WDR7: variants seen among roughly 807,000 people sequenced by gnomAD.
WDR7 encodes WD repeat-containing protein 7.
A neutral mutation model predicts 169.4 loss-of-function variants in WDR7; 46 were observed. The observed-to-expected ratio is 0.27, with a 90% CI of 0.21 to 0.35. The LOEUF is 0.35. Ranked by LOEUF, WDR7 falls within the 10% of genes least tolerant of loss-of-function variation. WDR7 has a pLI of 1.00. For synonymous variants in WDR7, 612 were observed against 666.8 expected (o/e 0.92, Z 1.27); for missense variants, 1,534 against 1,859.3 (o/e 0.83, Z 3.22).
At chr18:56,746,941 A>G (rs545091606) in intron 14 of WDR7, among the ~76,000 whole-genome samples, 5 of 152,318 alleles carry the variant, frequency 3.3e-5, no homozygotes, top group Admixed American at 2.6e-4. Flanking sequence ...GTTGGGAGTG[A>G]GGGGAGAATT....
At chr18:56,907,409 CG>C (rs1308339062) in intron 21 of WDR7, among the ~76,000 whole-genome samples, 3 of 152,036 alleles carry the variant, frequency 2.0e-5, no homozygotes, top group African/African-American at 7.2e-5. Context: ...GAGGGAATGC[CG>C]GTTTTTGAGA....
At chr18:56,738,742 A>G (rs1414399081) in intron 14 of WDR7, among the ~76,000 whole-genome samples, 5 of 151,732 alleles carry the variant, frequency 3.3e-5, no homozygotes, top group African/African-American at 1.2e-4. Flanking sequence ...GGCATATTAA[A>G]ATATGGACTT....
chr18:56,679,544 AT>A (rs1370389532), intron 3 of WDR7, 106 bp downstream of exon 3: 1 of 648,910 alleles, frequency 1.5e-6, no homozygotes, highest in Non-Finnish European at 2.5e-6. Context: ...TATCTCCTAA[AT>A]AAATGCTTTG....
chr18:57,011,403 A>G (rs1200389587), intron 26 of WDR7, among the ~76,000 whole-genome samples: 1 of 152,260 alleles, frequency 6.6e-6, no homozygotes. Context: ...GAGGCATTAT[A>G]TCTTACAATA....
intron 12 of WDR7, among the ~76,000 whole-genome samples, chr18:56,705,155 A>C (rs1003601728): frequency 6.6e-6 from 1 of 152,140 alleles, no homozygotes; most frequent in African/African-American, 2.4e-5. Context: ...AAATGGCAAA[A>C]ATTGCTAGGA....
In WDR7 at chr18:57,029,077, A is replaced by C. The variant is rs77990314; in HGVS notation, c.*1870A>C. 6.6e-6 allele frequency: 1 copy of C among 152,594 alleles called. No homozygotes were observed. The highest frequency in any genetic ancestry group is 1.5e-5 in the Non-Finnish European group (1 of 68,036). 9.5% of individuals were successfully genotyped at this position (152,594 alleles called of 1,614,324 possible). On this transcript the variant is annotated 3_prime_UTR_variant, in exon 28 of 28. Coordinates refer to ENST00000254442, the MANE Select transcript of WDR7 (RefSeq NM_015285.3). ...TATGAACTTAAATGGAAATTAATTT[A>C]TTGTAGACTACATCTCTATTTGGAA...
At chr18:56,938,450 T>G (rs979043365) in intron 23 of WDR7, 83 bp from the exon 24 acceptor site, 67 of 1,527,996 alleles carry the variant, frequency 4.4e-5, no homozygotes, top group Non-Finnish European at 5.5e-5. Flanking sequence ...TCTATAGTAT[T>G]AGAAAGTAAA....
At chr18:56,667,903 T>C (rs546160192) in intron 1 of WDR7, among the ~76,000 whole-genome samples, 1 of 152,326 alleles carries the variant, frequency 6.6e-6, no homozygotes, top group East Asian at 1.9e-4. Flanking sequence ...CATTTGGTAG[T>C]GAGTACACAG....
chr18:57,023,836 T>A (rs2145947399), intron 27 of WDR7, among the ~76,000 whole-genome samples: 1 of 152,330 alleles, frequency 6.6e-6, no homozygotes, highest in East Asian at 1.9e-4. Flanking sequence ...GAAATGCTGA[T>A]AATAAATTAG....
Position 56,891,358 on chromosome 18 carries a change from A to G in WDR7, c.3526+11193A>G, listed in dbSNP as rs181116500. Among the ~76,000 whole-genome samples the G allele has an allele frequency of 2.4e-3, 359 of 152,168 alleles. 2 individuals are homozygous for G. Among genetic ancestry groups the G allele is most frequent in the African/African-American group, 8.1e-3 (337 of 41,536 alleles). On this transcript the variant is annotated intron_variant, in intron 21 of 27. Coordinates refer to ENST00000254442, the MANE Select transcript of WDR7 (RefSeq NM_015285.3). Reference sequence around the variant, plus strand: ...GTGGCCTTGAATACTTTGTGGCTCGATTTCCTTAACTAAGACACAGGAATA... The same window carrying G: ...GTGGCCTTGAATACTTTGTGGCTCGGTTTCCTTAACTAAGACACAGGAATA...
chr18:57,030,263 T>C (rs867936942), downstream of WDR7: 2 of 152,208 alleles, frequency 1.3e-5, no homozygotes, highest in East Asian at 3.8e-4. Context: ...TAGAGGGTTA[T>C]GTGTAAGTAG....
intron 12 of WDR7, among the ~76,000 whole-genome samples, chr18:56,707,956 G>A (rs150820467): frequency 1.1e-4 from 17 of 151,676 alleles, no homozygotes; most frequent in East Asian, 3.9e-4. Flanking sequence ...CTGTCAACCC[G>A]TTTGTTTCCA....
chr18:56,806,174 A>G (rs1288949002), intron 19 of WDR7, among the ~76,000 whole-genome samples: 2 of 152,184 alleles, frequency 1.3e-5, no homozygotes, highest in Non-Finnish European at 2.9e-5. Flanking sequence ...CATTATGGCT[A>G]TTAGATTCTC....
At chr18:56,799,736 G>T (rs1330131337) in intron 19 of WDR7, among the ~76,000 whole-genome samples, 1 of 152,154 alleles carries the variant, frequency 6.6e-6, no homozygotes, top group Non-Finnish European at 1.5e-5. Flanking sequence ...TTTTTAAAAT[G>T]TGCTGTGAAA....
At chr18:57,034,942 CCCCAGGGTCAGAG>C in the WDR7 span, 1 of 152,102 alleles carries the variant, frequency 6.6e-6, no homozygotes, top group Non-Finnish European at 1.5e-5. Flanking sequence ...AAATCTTCTG[CCCCAGGGTCAGAG>C]CCCTGACAGA....
chr18:56,796,375 A>G lies in WDR7; in HGVS notation c.3190+14719A>G, dbSNP rs1391805564. 2.0e-5 allele frequency among the ~76,000 whole-genome samples: 3 copies of G among 152,194 alleles called. No homozygotes were observed. In the East Asian group the frequency reaches 5.8e-4, roughly 29 times the overall value. On this transcript the variant is annotated intron_variant, in intron 19 of 27. Coordinates refer to ENST00000254442, the MANE Select transcript of WDR7 (RefSeq NM_015285.3). ...ACTTTGGGAAGTTAATCTAGTTAAT[A>G]TTCATTTGAAAATGAAGAACTTAGA...
Position 56,694,979 on chromosome 18 carries a change from C to G in WDR7, c.1138C>G (p.Gln380Glu). The G allele has an allele frequency of 1.2e-6, 2 of 1,614,064 alleles. No homozygotes were observed. Among genetic ancestry groups the G allele is most frequent in the Non-Finnish European group, 1.7e-6 (2 of 1,179,954 alleles). The change falls in exon 11 of 28, where the codon CAA (glutamine) becomes GAA (glutamate). Residue 380 changes from glutamine (Q) to glutamate (E), a missense_variant. By Grantham distance (29) the Gln-to-Glu change is conservative (BLOSUM62 2). Coordinates refer to ENST00000254442, the MANE Select transcript of WDR7 (RefSeq NM_015285.3). ...GGCAATGACAACTTCTATTAGTTTGCAAGAGGCATTTGATAAACTGAATCC... is the reference window on the plus strand; with the variant it reads ...GGCAATGACAACTTCTATTAGTTTGGAAGAGGCATTTGATAAACTGAATCC... The part of the protein sequence containing the change: ...GLAMTTSISL[Q>E]EAFDKLNPCP...
At chr18:56,862,724 A>G (rs547977145) in intron 20 of WDR7, among the ~76,000 whole-genome samples, 39 of 152,046 alleles carry the variant, frequency 2.6e-4, no homozygotes, top group African/African-American at 8.9e-4. Context: ...TTGCATGCAG[A>G]AGATGTACCT....
chr18:57,004,300 T>C (rs1185177038), intron 26 of WDR7, among the ~76,000 whole-genome samples: 2 of 152,110 alleles, frequency 1.3e-5, no homozygotes, highest in Non-Finnish European at 2.9e-5. Context: ...CTCCTGTATA[T>C]CCAGAGATGT....
Sources: gnomAD v4.1 joint callset for allele counts (sites outside exome capture counted in the v4.1 genomes callset) on GRCh38, gnomAD v4.1.1 for gene constraint, MANE v1.5 for transcripts, NCBI Gene and HGNC (gene_info 2026-07-23, HGNC 2026-07-21) for gene names.